The following CMIP variants were observed in gnomAD, a reference collection of about 807,000 sequenced individuals.
CMIP encodes C-Maf-inducing protein.
A neutral mutation model predicts 97.3 loss-of-function variants in CMIP; 13 were observed. That is an observed-to-expected ratio of 0.13 (90% CI 0.09 to 0.21). The LOEUF (loss-of-function observed/expected upper bound fraction) is 0.21, where lower values mean the gene tolerates loss of function less well. Among genes scored for constraint, CMIP ranks in the 10% least tolerant of loss-of-function variants. The probability of loss-of-function intolerance (pLI) is 1.00; values close to 1 mark genes in which losing one functional copy is unlikely to be tolerated. For synonymous variants in CMIP, 538 were observed against 436.3 expected, an observed-to-expected ratio of 1.23 and a Z score of -2.91; for missense variants, 847 against 1,024.9, an observed-to-expected ratio of 0.83 and a Z score of 2.37.
intron 1 of CMIP, among the ~76,000 whole-genome samples, chr16:81,461,697 A>T (rs1298284568): frequency 6.6e-6 from 1 of 152,208 alleles, no homozygotes; most frequent in Non-Finnish European, 1.5e-5. Context: ...GGTTAAACAA[A>T]GTGTGGTATA....
chr16:81,463,256 G>A (rs1170621760), intron 1 of CMIP, among the ~76,000 whole-genome samples: 1 of 152,122 alleles, frequency 6.6e-6, no homozygotes, highest in East Asian at 1.9e-4. Flanking sequence ...TTCTCCCCAG[G>A]TTGGCTGGCC....
chr16:81,445,191 G>C lies in CMIP; in HGVS notation c.-51G>C, dbSNP rs1156352492. 7.6e-7 allele frequency: 1 copy of C among 1,314,446 alleles called. No homozygotes were observed. Among genetic ancestry groups the C allele is most frequent in the Non-Finnish European group, 1.0e-6 (1 of 984,784 alleles). 81.4% of individuals were successfully genotyped at this position (1,314,446 alleles called of 1,614,324 possible). A position where few individuals can be genotyped will look rare whatever the true frequency, so the allele number is the denominator to read the frequency against. On this transcript the variant is annotated 5_prime_UTR_variant, in exon 1 of 21. Coordinates refer to ENST00000537098, the MANE Select transcript of CMIP (RefSeq NM_198390.3). ...ATCCGGGGGCCCCGCCGCCCCAGCA[G>C]CCCAGGACAGCCCCCTCTCCCCGCC...
chr16:81,604,844 G>A (rs537045322), intron 1 of CMIP, among the ~76,000 whole-genome samples: 2 of 152,250 alleles, frequency 1.3e-5, no homozygotes, highest in Non-Finnish European at 2.9e-5. Context: ...CCTCTGTCCA[G>A]TGTGTTGTGG....
chr16:81,705,359 G>T (rs1017432378), intron 18 of CMIP, 140 bp from the exon 19 acceptor site: 10 of 614,658 alleles, frequency 1.6e-5, no homozygotes, highest in Non-Finnish European at 2.9e-5. Flanking sequence ...CGTGAACGCA[G>T]CCCAGACCCC....
chr16:81,680,159 G>A (rs1904724279), intron 10 of CMIP, among the ~76,000 whole-genome samples: 2 of 152,220 alleles, frequency 1.3e-5, no homozygotes, highest in East Asian at 1.9e-4. Flanking sequence ...CTGCAGGGAG[G>A]CCACTCGGAA....
At chr16:81,669,227 C>T (rs184217099) in intron 7 of CMIP, among the ~76,000 whole-genome samples, 1 of 134,594 alleles carries the variant, frequency 7.4e-6, no homozygotes, top group East Asian at 2.4e-4. Flanking sequence ...CTTCCACATC[C>T]ACCTCACACC....
At chr16:81,682,155 G>A (rs1196443198) in intron 10 of CMIP, among the ~76,000 whole-genome samples, 3 of 152,070 alleles carry the variant, frequency 2.0e-5, no homozygotes, top group Admixed American at 6.5e-5. Flanking sequence ...AGTGATCCAC[G>A]ATTGCACTGC....
At chr16:81,672,465 G>A (rs2092691701) in intron 9 of CMIP, among the ~76,000 whole-genome samples, 1 of 152,254 alleles carries the variant, frequency 6.6e-6, no homozygotes, top group Non-Finnish European at 1.5e-5. Context: ...GTGTGCACAT[G>A]GAGGTGTGAA....
chr16:81,468,671 G>A (rs768656016), intron 1 of CMIP, among the ~76,000 whole-genome samples: 4 of 152,220 alleles, frequency 2.6e-5, no homozygotes, highest in Non-Finnish European at 4.4e-5. Context: ...ATGGACAATC[G>A]GTTCCAGTGC....
chr16:81,687,315 C>T lies in CMIP; in HGVS notation c.1389-4460C>T, dbSNP rs189035340. ...CAAGATGGTCAGAAGCTGGGGAACA[C>T]CAGGGACAGCTCTGTGATTCGGATG... On this transcript the variant is annotated intron_variant, in intron 10 of 20. Transcript: ENST00000537098. Among the ~76,000 whole-genome samples, 17 of 152,314 alleles carry T rather than the reference C, an allele frequency of 1.1e-4. 1 individual carries two copies. The highest frequency in any genetic ancestry group is 1.0e-3 in the Admixed American group (16 of 15,302).
chr16:81,660,114 C>G (rs1453093995), intron 5 of CMIP, among the ~76,000 whole-genome samples: 3 of 151,982 alleles, frequency 2.0e-5, no homozygotes, highest in East Asian at 3.9e-4. Flanking sequence ...CAGCTGTGGT[C>G]CGGCTCACTA....
chr16:81,501,854 C>T (rs374891726), intron 1 of CMIP, among the ~76,000 whole-genome samples: 7 of 152,136 alleles, frequency 4.6e-5, no homozygotes, highest in African/African-American at 1.4e-4. Flanking sequence ...TCAAGTGATC[C>T]GCCCACCTCG....
intron 1 of CMIP, among the ~76,000 whole-genome samples, chr16:81,487,322 C>G (rs929592255): frequency 1.3e-5 from 2 of 152,214 alleles, no homozygotes. Context: ...CGAGCTGGCA[C>G]CTGGATTCCT....
At chr16:81,495,469 G>T in intron 1 of CMIP, 1 of 1,612,816 alleles carries the variant, frequency 6.2e-7, no homozygotes, top group Non-Finnish European at 8.5e-7. Flanking sequence ...CCTGGCGTCC[G>T]GGGAAGGATG....
chr16:81,543,009 G>A (rs535427097), intron 1 of CMIP, among the ~76,000 whole-genome samples: 3 of 152,322 alleles, frequency 2.0e-5, no homozygotes, highest in Admixed American at 2.0e-4. Context: ...CAGGCCTAGC[G>A]AGAGGCCGCT....
chr16:81,706,963 C>G, intron 19 of CMIP, 51 bp from the exon 20 acceptor site: 1 of 1,544,732 alleles, frequency 6.5e-7, no homozygotes, highest in Non-Finnish European at 8.9e-7. Context: ...CCCATACCTT[C>G]ATACCTTTGG....
chr16:81,473,748 G>A (rs1907704321), intron 1 of CMIP, among the ~76,000 whole-genome samples: 4 of 151,422 alleles, frequency 2.6e-5, no homozygotes, highest in African/African-American at 9.7e-5. Context: ...AGCAGAAGCT[G>A]CAAGCGGATG....
intron 3 of CMIP, among the ~76,000 whole-genome samples, chr16:81,650,166 G>A (rs769794545): frequency 5.3e-5 from 8 of 152,150 alleles, no homozygotes; most frequent in African/African-American, 9.7e-5. Flanking sequence ...ACTCACCCCC[G>A]ACAACTTGTC....
At chr16:81,498,872 T>A (rs535318790) in intron 1 of CMIP, among the ~76,000 whole-genome samples, 3 of 152,338 alleles carry the variant, frequency 2.0e-5, no homozygotes, top group African/African-American at 7.2e-5. Flanking sequence ...CACCTCTCCA[T>A]ACATACAGGT....
Sources: allele counts gnomAD v4.1 joint callset (sites outside exome capture counted in the v4.1 genomes callset), GRCh38; gene constraint gnomAD v4.1.1; transcripts MANE v1.5; gene names NCBI Gene and HGNC (gene_info 2026-07-23, HGNC 2026-07-21).